Variants in CPNE8 observed in about 807,000 individuals in gnomAD.
CPNE8 encodes copine-8.
Under a neutral mutation model 81.5 loss-of-function variants are expected in CPNE8, and 45 were observed. The ratio of observed to expected loss-of-function variants is 0.55; its 90% CI spans 0.44 to 0.71. The LOEUF (loss-of-function observed/expected upper bound fraction) is 0.71, where lower values mean the gene tolerates loss of function less well. CPNE8 is among the 30% of genes least tolerant of loss of function. The probability of loss-of-function intolerance (pLI) is 0.00; values close to 1 mark genes in which losing one functional copy is unlikely to be tolerated. For synonymous variants in CPNE8, 252 were observed against 226.3 expected (o/e 1.11, Z -1.02); for missense variants, 594 against 672.1 (o/e 0.88, Z 1.28).
chr12:38,748,241 C>T (rs1421671983), intron 10 of CPNE8, among the ~76,000 whole-genome samples: 2 of 151,814 alleles, frequency 1.3e-5, no homozygotes, highest in African/African-American at 4.8e-5. Flanking sequence ...CAATTCCTGA[C>T]CTCAAGTGAT....
At chr12:38,688,110 A>G (rs1232357634) in intron 15 of CPNE8, among the ~76,000 whole-genome samples, 4 of 152,198 alleles carry the variant, frequency 2.6e-5, no homozygotes, top group Admixed American at 6.5e-5. Context: ...ACAGTTACAA[A>G]CTAGGGTAGT....
At chr12:38,702,768 C>A in intron 14 of CPNE8, 107 bp downstream of exon 14, 1 of 606,494 alleles carries the variant, frequency 1.6e-6, no homozygotes, top group Non-Finnish European at 2.7e-6. Flanking sequence ...ATATGGAAAA[C>A]TTCAGAAGTA....
chr12:38,733,505 T>G (rs1940884476), intron 10 of CPNE8, among the ~76,000 whole-genome samples: 1 of 151,936 alleles, frequency 6.6e-6, no homozygotes, highest in Non-Finnish European at 1.5e-5. Flanking sequence ...CCACAACCAA[T>G]AATTTCCTTG....
chr12:38,831,419 C>G (rs1171367319), intron 5 of CPNE8, among the ~76,000 whole-genome samples: 1 of 152,110 alleles, frequency 6.6e-6, no homozygotes. Flanking sequence ...GAAGCCAGAT[C>G]AATCAGAAGG....
intron 6 of CPNE8, among the ~76,000 whole-genome samples, chr12:38,795,936 T>C (rs1942458233): frequency 6.7e-6 from 1 of 149,404 alleles, no homozygotes; most frequent in East Asian, 2.0e-4. Flanking sequence ...TTGAGGTTAT[T>C]CTGAGAATAC....
At chr12:38,807,976 T>G (rs965640089) in intron 6 of CPNE8, among the ~76,000 whole-genome samples, 3 of 152,016 alleles carry the variant, frequency 2.0e-5, no homozygotes, top group African/African-American at 7.2e-5. Context: ...AGAAGACATT[T>G]ATGCAGCCAA....
intron 1 of CPNE8, among the ~76,000 whole-genome samples, chr12:38,890,995 C>T (rs545765879): frequency 2.6e-5 from 4 of 151,598 alleles, no homozygotes; most frequent in Admixed American, 6.6e-5. Flanking sequence ...GGCATAGTTT[C>T]GGCTCACTGC....
chr12:38,679,760 T>C, intron 16 of CPNE8: 1 of 874,238 alleles, frequency 1.1e-6, no homozygotes, highest in Non-Finnish European at 1.4e-6. Flanking sequence ...TTATTCTACT[T>C]AGCCTTTTAT....
At chr12:38,905,132 G>A (rs1393962406) in intron 1 of CPNE8, among the ~76,000 whole-genome samples, 1 of 152,146 alleles carries the variant, frequency 6.6e-6, no homozygotes, top group Non-Finnish European at 1.5e-5. Context: ...CGGGTTTGGG[G>A]CGGAAAACCG....
intron 13 of CPNE8, among the ~76,000 whole-genome samples, chr12:38,716,509 C>T (rs1448870652): frequency 1.3e-5 from 2 of 151,678 alleles, no homozygotes; most frequent in Admixed American, 6.6e-5. Context: ...ACTAACTGAT[C>T]TTTGAGAGCG....
chr12:38,818,855 G>A (rs1943068285), intron 6 of CPNE8, among the ~76,000 whole-genome samples: 1 of 152,084 alleles, frequency 6.6e-6, no homozygotes, highest in African/African-American at 2.4e-5. Context: ...TCTCACTGTG[G>A]TTTTGATTTG....
At chr12:38,740,450 G>C (rs1424015486) in intron 10 of CPNE8, among the ~76,000 whole-genome samples, 2 of 152,194 alleles carry the variant, frequency 1.3e-5, no homozygotes, top group African/African-American at 4.8e-5. Context: ...AGTGGTGAGA[G>C]AGGGCATCCC....
chr12:38,821,289 G>A (rs1943105947), intron 6 of CPNE8, among the ~76,000 whole-genome samples: 3 of 151,954 alleles, frequency 2.0e-5, no homozygotes, highest in Admixed American at 2.0e-4. Flanking sequence ...ATTCATCATT[G>A]TATACTTAGT....
At chr12:38,791,343 A>G (rs1399462585) in intron 6 of CPNE8, among the ~76,000 whole-genome samples, 1 of 151,596 alleles carries the variant, frequency 6.6e-6, no homozygotes, top group Non-Finnish European at 1.5e-5. Context: ...TGAAACACAG[A>G]CTAAAATGGA....
intron 6 of CPNE8, 64 bp from the exon 7 acceptor site, chr12:38,776,365 T>G (rs1941936353): frequency 2.0e-6 from 1 of 503,576 alleles, no homozygotes; most frequent in African/African-American, 2.1e-5. Context: ...TAATATAAAT[T>G]TATATATCAT....
chr12:38,779,458 T>G (rs1035482453), intron 6 of CPNE8, among the ~76,000 whole-genome samples: 1 of 152,172 alleles, frequency 6.6e-6, no homozygotes, highest in African/African-American at 2.4e-5. Flanking sequence ...AACATTCACT[T>G]TATGAGCCTA....
intron 6 of CPNE8, among the ~76,000 whole-genome samples, chr12:38,825,389 T>C (rs1943172275): frequency 6.6e-6 from 1 of 152,062 alleles, no homozygotes; most frequent in Non-Finnish European, 1.5e-5. Context: ...GTAAAAAAAG[T>C]GAAGTACATG....
rs1043476884 is a variant in CPNE8 at position 38,680,230 on chromosome 12, G to T, written c.1272-2676C>A. ...CTCAGATTCGTGGAATATTCTTTCA[G>T]CTTATTATTAGTTCACAAGAATAGA... is the stretch of plus-strand genomic sequence containing the variant. On this transcript the variant is annotated intron_variant, in intron 16 of 19. Coordinates refer to ENST00000331366, the MANE Select transcript of CPNE8 (RefSeq NM_153634.3). Among the ~76,000 whole-genome samples, 3 of 151,926 alleles carry T rather than the reference G, an allele frequency of 2.0e-5. No individual in the cohort carries two copies. The South Asian group carries it at 6.2e-4, about 31-fold the overall frequency.
chr12:38,852,556 C>T (rs550919311), intron 3 of CPNE8, among the ~76,000 whole-genome samples: 9 of 151,956 alleles, frequency 5.9e-5, no homozygotes, highest in Non-Finnish European at 1.3e-4. Context: ...GAGCCAAGAT[C>T]GCGCCATTGC....
Sources: gnomAD v4.1 joint callset for allele counts (sites outside exome capture counted in the v4.1 genomes callset) on GRCh38, gnomAD v4.1.1 for gene constraint, MANE v1.5 for transcripts, NCBI Gene and HGNC (gene_info 2026-07-23, HGNC 2026-07-21) for gene names.